MOV10: variants seen among roughly 807,000 people sequenced by gnomAD.
MOV10 encodes RNA helicase MOV-10.
MOV10 carries 39 observed loss-of-function variants against 108.4 expected under a neutral mutation model. That is an observed-to-expected ratio of 0.36 (90% CI 0.28 to 0.47). The LOEUF is 0.47. Ranked by LOEUF, MOV10 falls within the 20% of genes least tolerant of loss-of-function variation. The pLI is 1.00. For synonymous variants in MOV10, 490 were observed against 523.1 expected (o/e 0.94, Z 0.86); for missense variants, 952 against 1,297.6 (o/e 0.73, Z 4.09).
intron 2 of MOV10, among the ~76,000 whole-genome samples, chr1:112,685,613 C>T (rs553067604): frequency 2.9e-4 from 44 of 150,360 alleles, no homozygotes; most frequent in African/African-American, 9.4e-4. Flanking sequence ...CAAGATCGTG[C>T]CACTGCCCTC....
intron 14 of MOV10, among the ~76,000 whole-genome samples, chr1:112,697,397 G>A (rs769717583): frequency 6.6e-6 from 1 of 152,184 alleles, no homozygotes; most frequent in Non-Finnish European, 1.5e-5. Flanking sequence ...TTGTACCCGG[G>A]AGGCAGAGGT....
In MOV10 at chr1:112,689,105, A is replaced by G; in HGVS notation, c.308A>G (p.His103Arg). 1.2e-6 allele frequency: 2 copies of G among 1,610,592 alleles called. No individual in the cohort carries two copies. Among genetic ancestry groups the G allele is most frequent in the Non-Finnish European group, 1.7e-6 (2 of 1,179,118 alleles). The change falls in exon 3 of 21, where the codon CAC becomes CGC. Residue 103 changes from histidine to arginine, a missense_variant. Physicochemically the swap from His to Arg is conservative, Grantham distance 29 (BLOSUM62 0). This residue lies in a region of MOV10 where 374 missense variants were observed against 468.6 expected (regional missense o/e 0.80). Transcript: ENST00000369645. The stretch of plus-strand genomic sequence containing the variant: ...CTGGGGTCAGATATCAGCAAACACC[A>G]CAAGTCACTGCTAGCCAAGATCTTT... ...MKLGSDISKHHKSLLAKIFYD... is the reference protein window; with the variant it reads ...MKLGSDISKHRKSLLAKIFYD...
At chr1:112,687,164 T>C (rs1033139417) in intron 2 of MOV10, 7 of 364,956 alleles carry the variant, frequency 1.9e-5, no homozygotes, top group Non-Finnish European at 3.3e-5. Flanking sequence ...TTTCTACTAA[T>C]ATAAATACTA....
At chr1:112,700,389 G>C in intron 20 of MOV10, 27 bp from the exon 21 acceptor site, 2 of 1,613,952 alleles carry the variant, frequency 1.2e-6, no homozygotes, top group South Asian at 2.2e-5. Context: ...TGGTAAGGAA[G>C]ACACAGTGTA....
intron 11 of MOV10, 45 bp downstream of exon 11, chr1:112,695,619 A>G (rs762881991): frequency 1.3e-5 from 20 of 1,592,076 alleles, no homozygotes; most frequent in Non-Finnish European, 1.7e-5. Flanking sequence ...AATGCCGGGG[A>G]GGCTCTCAGG....
rs200886286 is a variant in MOV10 at position 112,695,472 on chromosome 1, G to A, written c.1677G>A (p.Gly559=). 6 of 1,614,152 alleles carry A rather than the reference G, an allele frequency of 3.7e-6. No individual in the cohort carries two copies. Among genetic ancestry groups the A allele is most frequent in the East Asian group, 2.2e-5 (1 of 44,874 alleles). The change falls in exon 11 of 21, where the codon GGG becomes GGA. Residue 559 remains glycine (G), a synonymous_variant. Transcript: ENST00000369645. ...HILACAPSNS[G]ADLLCQRLRV... ...TGGCCTGCGCTCCATCCAACTCAGG[G>A]GCTGACCTACTCTGTCAAAGGCTCC...
chr1:112,697,768 G>A (rs1674241318), intron 14 of MOV10: 2 of 522,280 alleles, frequency 3.8e-6, no homozygotes, highest in Admixed American at 6.1e-5. Context: ...TAAATGTCAT[G>A]GGTCTGTGGA....
At chr1:112,693,806 C>G in intron 7 of MOV10, 1 of 479,846 alleles carries the variant, frequency 2.1e-6, no homozygotes, top group Non-Finnish European at 3.8e-6. Context: ...CTCGGCATCT[C>G]TGGGCAGCTT....
intron 17 of MOV10, 154 bp from the exon 18 acceptor site, chr1:112,699,531 C>T (rs1321836430): frequency 1.5e-5 from 22 of 1,479,024 alleles, no homozygotes; most frequent in Non-Finnish European, 2.0e-5. Flanking sequence ...CCTCCCATCC[C>T]CTTTCCCTGG....
rs143986452 is a variant in MOV10 at position 112,696,837 on chromosome 1, G to A, written c.2189G>A (p.Arg730His). 793 of 1,591,648 alleles carry A rather than the reference G, an allele frequency of 5.0e-4. 4 individuals carry two copies. Among genetic ancestry groups the A allele is most frequent in the Middle Eastern group, 1.7e-4 (1 of 6,020 alleles). ...YDPQFITKLL[R>H]NYRSHPTILD... ...CCCCAGTTCATAACCAAGCTGCTCC[G>A]CAACTACAGGTATTCCCATGCCCTT... Residue 730 changes from arginine to histidine, a missense_variant, in exon 14 of 21, where the codon CGC becomes CAC. Arg to His is a conservative substitution (Grantham distance 29, BLOSUM62 0). Around this residue, in one of 5 missense-constraint regions of MOV10, gnomAD observed 453 missense variants for 611.5 expected, o/e 0.74. Coordinates refer to ENST00000369645, the MANE Select transcript of MOV10 (RefSeq NM_001321324.2).
chr1:112,700,005 C>G (rs752132475), intron 19 of MOV10, 23 bp downstream of exon 19: 1 of 1,613,702 alleles, frequency 6.2e-7, no homozygotes, highest in Non-Finnish European at 8.5e-7. Context: ...ACCCCATTCT[C>G]CCTCTTAGTG....
At position 112,696,148 on chromosome 1, in the gene MOV10, C is replaced by T. The variant is rs1276284842; in HGVS notation, c.1780C>T (p.Pro594Ser). Residue 594 changes from proline to serine, a missense_variant and splice_region_variant, in exon 12 of 21, where the codon CCC (proline) becomes TCC (serine). Pro to Ser is a moderately conservative substitution (Grantham distance 74, BLOSUM62 -1). Around this residue, in one of 5 missense-constraint regions of MOV10, gnomAD observed 453 missense variants for 611.5 expected, o/e 0.74. Coordinates refer to ENST00000369645, the MANE Select transcript of MOV10 (RefSeq NM_001321324.2). ...DIRMVPEDIKPCCNWDAKKGE... is the reference protein window; with the variant it reads ...DIRMVPEDIKSCCNWDAKKGE... ...CCTCTGGTCCCTTCACAATCCACAG[C>T]CCTGCTGCAACTGGGACGCAAAGAA... 16 of 1,610,012 alleles carry T rather than the reference C, an allele frequency of 9.9e-6. No individual in the cohort carries two copies. Among genetic ancestry groups the T allele is most frequent in the Non-Finnish European group, 1.4e-5 (16 of 1,177,360 alleles).
intron 2 of MOV10, among the ~76,000 whole-genome samples, chr1:112,680,668 A>T (rs1307942496): frequency 2.0e-5 from 3 of 149,932 alleles, no homozygotes; most frequent in African/African-American, 7.3e-5. Context: ...AAAAAAAAAA[A>T]AAAAAAAAAA....
At chr1:112,681,727 C>T (rs772403706) in intron 2 of MOV10, among the ~76,000 whole-genome samples, 9 of 152,118 alleles carry the variant, frequency 5.9e-5, no homozygotes, top group South Asian at 2.1e-4. Flanking sequence ...AGATCCATCC[C>T]GCTATTCATT....
At chr1:112,691,824 G>A (rs759380642) in intron 6 of MOV10, 25 bp downstream of exon 6, 14 of 1,600,948 alleles carry the variant, frequency 8.7e-6, no homozygotes, top group East Asian at 4.5e-5. Flanking sequence ...TCTGCACCCC[G>A]CACTCTCCCG....
chr1:112,700,487 G>C lies in MOV10; in HGVS notation c.2992G>C (p.Glu998Gln). Reference sequence around the variant, plus strand: ...GGGCCTGTCTCTGCAAGTGGAGCCAGAGTGGAGGAATGAGCTCTGAAGACA... The same window carrying C: ...GGGCCTGTCTCTGCAAGTGGAGCCACAGTGGAGGAATGAGCTCTGAAGACA... ...EGGLSLQVEP[E>Q]WRNEL The change falls in exon 21 of 21, where the codon GAG becomes CAG. Residue 998 changes from glutamate to glutamine, a missense_variant. Physicochemically the swap from Glu to Gln is conservative, Grantham distance 29. This residue lies in a region of MOV10 where 42 missense variants were observed against 36.5 expected (regional missense o/e 1.15). Transcript: ENST00000369645. 1.2e-6 allele frequency: 2 copies of C among 1,613,864 alleles called. No homozygotes were observed. The highest frequency in any genetic ancestry group is 2.2e-5 in the East Asian group (1 of 44,874).
Position 112,700,274 on chromosome 1 carries a change from A to C in MOV10, c.2854A>C (p.Lys952Gln), listed in dbSNP as rs1232762459. The stretch of plus-strand genomic sequence containing the variant: ...GTATACCGGGTGTCCCTTCCCTGCC[A>C]AACTGGACCTGCAACAGGGACAGAA... ...GGYTGCPFPA[K>Q]LDLQQGQNLL... The change falls in exon 20 of 21, where the codon AAA becomes CAA. Residue 952 changes from lysine to glutamine, a missense_variant. Physicochemically the swap from Lys to Gln is moderately conservative, Grantham distance 53. Coordinates refer to ENST00000369645, the MANE Select transcript of MOV10 (RefSeq NM_001321324.2). 3 of 1,614,088 alleles carry C rather than the reference A, an allele frequency of 1.9e-6. No homozygotes were observed. In the African/African-American group the frequency reaches 4.0e-5, roughly 22 times the overall value.
At chr1:112,695,345 G>T in intron 10 of MOV10, 71 bp from the exon 11 acceptor site, 8 of 1,517,188 alleles carry the variant, frequency 5.3e-6, no homozygotes, top group Non-Finnish European at 7.2e-6. Context: ...TCATAGACTT[G>T]CCCTGCCCCA....
chr1:112,700,315 G>A lies in MOV10; in HGVS notation c.2895G>A (p.Leu965=). 6.2e-7 allele frequency: 1 copy of A among 1,614,226 alleles called. No homozygotes were observed. Among genetic ancestry groups the A allele is most frequent in the Non-Finnish European group, 8.5e-7 (1 of 1,180,034 alleles). Residue 965 remains leucine, a synonymous_variant, in exon 20 of 21, where the codon CTG becomes CTA. Transcript: ENST00000369645. The part of the protein sequence containing the change: ...LQQGQNLLQG[L]SKLSPSTSGP... The stretch of plus-strand genomic sequence containing the variant: ...AGGGACAGAATTTACTGCAAGGTCT[G>A]AGCAAGCTCAGCCCCTCTACCTCAG...
Sources: allele counts gnomAD v4.1 joint callset (sites outside exome capture counted in the v4.1 genomes callset), GRCh38; gene constraint gnomAD v4.1.1; regional missense constraint gnomAD v4.1.1; transcripts MANE v1.5; gene names NCBI Gene and HGNC (gene_info 2026-07-23, HGNC 2026-07-21).